Variants in FNBP1L observed in about 807,000 individuals in gnomAD.
FNBP1L encodes formin-binding protein 1-like.
A neutral mutation model predicts 91.2 loss-of-function variants in FNBP1L; 36 were observed. The observed-to-expected ratio is 0.39, with a 90% CI of 0.30 to 0.52. The LOEUF (loss-of-function observed/expected upper bound fraction) is 0.52, where lower values mean the gene tolerates loss of function less well. FNBP1L is among the 20% of genes least tolerant of loss of function. The probability of loss-of-function intolerance (pLI) is 0.66; values close to 1 mark genes in which losing one functional copy is unlikely to be tolerated. For synonymous variants in FNBP1L, 242 were observed against 237.0 expected, an observed-to-expected ratio of 1.02 and a Z score of -0.19; for missense variants, 571 against 732.1, an observed-to-expected ratio of 0.78 and a Z score of 2.54.
intron 2 of FNBP1L, among the ~76,000 whole-genome samples, chr1:93,502,782 G>A (rs1670480836): frequency 6.6e-6 from 1 of 152,198 alleles, no homozygotes; most frequent in Non-Finnish European, 1.5e-5. Context: ...CAATAGCAGC[G>A]ATTCTCAACA....
intron 1 of FNBP1L, among the ~76,000 whole-genome samples, chr1:93,472,286 ATAC>A (rs1177737022): frequency 1.3e-5 from 2 of 152,194 alleles, no homozygotes; most frequent in Admixed American, 1.3e-4. Context: ...GATTTCACGA[ATAC>A]TACTACTAAT....
At chr1:93,454,314 TTGTGTGTGTGTATGGGTGTGTC>T (rs1557771376) in intron 1 of FNBP1L, among the ~76,000 whole-genome samples, 2 of 145,886 alleles carry the variant, frequency 1.4e-5, no homozygotes, top group African/African-American at 4.9e-5. Context: ...CATGAACCTC[TTGTGTGTGTGTATGGGTGTGTC>T]TGTGTGTGTG....
intron 2 of FNBP1L, among the ~76,000 whole-genome samples, chr1:93,518,383 T>C (rs1435423277): frequency 6.6e-6 from 1 of 152,194 alleles, no homozygotes; most frequent in Non-Finnish European, 1.5e-5. Flanking sequence ...AAAACAATTT[T>C]ATAAAGTAGT....
At chr1:93,491,440 A>C (rs1004173776) in intron 1 of FNBP1L, among the ~76,000 whole-genome samples, 6 of 151,924 alleles carry the variant, frequency 3.9e-5, no homozygotes, top group African/African-American at 1.5e-4. Context: ...CCCAGGCTGG[A>C]GCACTGTGGC....
chr1:93,455,050 T>G (rs533101263), intron 1 of FNBP1L, among the ~76,000 whole-genome samples: 2 of 152,250 alleles, frequency 1.3e-5, no homozygotes, highest in African/African-American at 4.8e-5. Flanking sequence ...TGCCTCAGCC[T>G]TCCGAGTAGC....
At chr1:93,471,640 T>TG (rs1256350697) in intron 1 of FNBP1L, among the ~76,000 whole-genome samples, 4 of 152,142 alleles carry the variant, frequency 2.6e-5, no homozygotes, top group African/African-American at 7.2e-5. Flanking sequence ...TGCAGTGAGC[T>TG]GTGATTGCAC....
chr1:93,463,783 A>C (rs1404571516), intron 1 of FNBP1L, among the ~76,000 whole-genome samples: 1 of 152,158 alleles, frequency 6.6e-6, no homozygotes, highest in Non-Finnish European at 1.5e-5. Context: ...TCGTTTCCAG[A>C]GTTACTTACA....
At chr1:93,533,120 G>GTT in intron 8 of FNBP1L, 52 bp downstream of exon 8, 1 of 1,521,700 alleles carries the variant, frequency 6.6e-7, no homozygotes, top group Non-Finnish European at 9.0e-7. Flanking sequence ...TAGGTGTGCA[G>GTT]TTTAAGTTAG....
intron 15 of FNBP1L, 139 bp downstream of exon 15, chr1:93,549,565 C>A: frequency 1.5e-6 from 1 of 670,234 alleles, no homozygotes; most frequent in Non-Finnish European, 2.3e-6. Flanking sequence ...AGTATGCATA[C>A]TTTTGTTATA....
chr1:93,481,788 A>T (rs2101708444), intron 1 of FNBP1L, among the ~76,000 whole-genome samples: 1 of 152,342 alleles, frequency 6.6e-6, no homozygotes, highest in East Asian at 1.9e-4. Flanking sequence ...GTAGATGAGA[A>T]ATTTTTTAAA....
chr1:93,499,203 T>A (rs1288000282), intron 1 of FNBP1L, among the ~76,000 whole-genome samples: 1 of 151,586 alleles, frequency 6.6e-6, no homozygotes, highest in East Asian at 1.9e-4. Flanking sequence ...TGGGGAAGAG[T>A]TGACTGCAAA....
intron 1 of FNBP1L, among the ~76,000 whole-genome samples, chr1:93,494,911 C>T (rs1435984085): frequency 6.6e-6 from 1 of 152,088 alleles, no homozygotes; most frequent in Non-Finnish European, 1.5e-5. Context: ...TTTATAAAAC[C>T]ATCAGATCTC....
intron 2 of FNBP1L, among the ~76,000 whole-genome samples, chr1:93,501,578 C>T (rs1295477913): frequency 2.0e-5 from 3 of 152,126 alleles, no homozygotes; most frequent in South Asian, 2.1e-4. Context: ...GGGCGGATCC[C>T]TCATGACCCA....
intron 5 of FNBP1L, among the ~76,000 whole-genome samples, chr1:93,528,517 C>G (rs1671565479): frequency 6.6e-6 from 1 of 152,124 alleles, no homozygotes; most frequent in African/African-American, 2.4e-5. Flanking sequence ...CATGGAGATT[C>G]AGTTATCTCC....
intron 1 of FNBP1L, among the ~76,000 whole-genome samples, chr1:93,473,758 T>C (rs1669389618): frequency 1.3e-5 from 2 of 152,104 alleles, no homozygotes; most frequent in African/African-American, 4.8e-5. Flanking sequence ...TTTATAAAGG[T>C]GTGGGCCTGG....
At chr1:93,551,224 A>T (rs1199856609) in intron 16 of FNBP1L, 119 bp downstream of exon 16, 19 of 1,390,380 alleles carry the variant, frequency 1.4e-5, no homozygotes, top group Non-Finnish European at 1.8e-5. Flanking sequence ...CTTAAAGGGC[A>T]TCCAAGATTA....
chr1:93,513,998 C>G (rs1670968416), intron 2 of FNBP1L, among the ~76,000 whole-genome samples: 1 of 152,106 alleles, frequency 6.6e-6, no homozygotes. Flanking sequence ...TTGCAGACGA[C>G]ATGATTGTAT....
intron 9 of FNBP1L, among the ~76,000 whole-genome samples, chr1:93,535,352 A>G (rs186972192): frequency 1.3e-5 from 2 of 152,136 alleles, no homozygotes; most frequent in Admixed American, 1.3e-4. Context: ...GGAAAGGTTC[A>G]GTCTTGGTTA....
intron 1 of FNBP1L, among the ~76,000 whole-genome samples, chr1:93,452,404 A>AT (rs1439397741): frequency 6.6e-6 from 1 of 152,238 alleles, no homozygotes; most frequent in Non-Finnish European, 1.5e-5. Flanking sequence ...TGGGTTAAAC[A>AT]TTTTTGTCAA....
Sources: gnomAD v4.1 joint callset for allele counts (sites outside exome capture counted in the v4.1 genomes callset) on GRCh38, gnomAD v4.1.1 for gene constraint, MANE v1.5 for transcripts, NCBI Gene and HGNC (gene_info 2026-07-23, HGNC 2026-07-21) for gene names.